Variants in SORCS2 observed in about 807,000 individuals in gnomAD.
The protein encoded by SORCS2 is VPS10 domain-containing receptor SorCS2.
A neutral mutation model predicts 141.6 loss-of-function variants in SORCS2; 100 were observed. The ratio of observed to expected loss-of-function variants is 0.71; its 90% CI spans 0.60 to 0.83. The LOEUF (loss-of-function observed/expected upper bound fraction) is 0.83, where lower values mean the gene tolerates loss of function less well. Among genes scored for constraint, SORCS2 ranks in the 40% least tolerant of loss-of-function variants. SORCS2 has a pLI of 0.00. For missense variants in SORCS2, 1,646 were observed against 1,560.2 expected (o/e 1.05, Z -0.93); for synonymous variants, 789 against 676.9 (o/e 1.17, Z -2.57).
intron 3 of SORCS2, among the ~76,000 whole-genome samples, chr4:7,557,269 G>T (rs1025582532): frequency 6.6e-6 from 1 of 152,156 alleles, no homozygotes; most frequent in Non-Finnish European, 1.5e-5. Flanking sequence ...ACCCAGTTGG[G>T]TGGAGGGACG....
At chr4:7,665,307 G>A (rs1722437981) in intron 7 of SORCS2, among the ~76,000 whole-genome samples, 2 of 152,274 alleles carry the variant, frequency 1.3e-5, no homozygotes, top group South Asian at 4.2e-4. Context: ...GGCAGGCAGT[G>A]GGCATCCCAT....
chr4:7,390,165 A>G (rs564297438), intron 1 of SORCS2, among the ~76,000 whole-genome samples: 1 of 152,072 alleles, frequency 6.6e-6, no homozygotes, highest in Non-Finnish European at 1.5e-5. Context: ...CCCTTTTTCA[A>G]TGGGGTATTG....
At chr4:7,640,587 G>A (rs1046684120) in intron 4 of SORCS2, among the ~76,000 whole-genome samples, 14 of 151,644 alleles carry the variant, frequency 9.2e-5, no homozygotes, top group African/African-American at 3.4e-4. Context: ...TCGGGCCTTC[G>A]TTTAGGGCCC....
chr4:7,381,876 C>A (rs2109071011), intron 1 of SORCS2: 3 of 984,604 alleles, frequency 3.0e-6, no homozygotes, highest in Non-Finnish European at 3.6e-6. Flanking sequence ...TACAGTGGGG[C>A]AGGCCACAGC....
chr4:7,538,560 A>G (rs1202429273), intron 3 of SORCS2, among the ~76,000 whole-genome samples: 4 of 150,994 alleles, frequency 2.6e-5, no homozygotes, highest in African/African-American at 9.8e-5. Context: ...ACTCCATTAT[A>G]TATCAGTGTT....
chr4:7,341,148 G>A (rs1263039674), intron 1 of SORCS2, among the ~76,000 whole-genome samples: 2 of 152,256 alleles, frequency 1.3e-5, no homozygotes, highest in Non-Finnish European at 2.9e-5. Flanking sequence ...GGTCTGGCCC[G>A]AGGTCTGCGT....
intron 12 of SORCS2, among the ~76,000 whole-genome samples, chr4:7,702,138 T>C (rs901819840): frequency 2.7e-4 from 41 of 152,164 alleles, no homozygotes; most frequent in Admixed American, 6.5e-5. Context: ...CGGATGAGCG[T>C]GCTGGCCCTA....
chr4:7,263,342 A>G (rs1287601877), intron 1 of SORCS2, among the ~76,000 whole-genome samples: 1 of 152,064 alleles, frequency 6.6e-6, no homozygotes, highest in East Asian at 1.9e-4. Context: ...GTTTCCCTGA[A>G]CTCACCTGTG....
chr4:7,535,900 C>T (rs6856722), intron 3 of SORCS2, among the ~76,000 whole-genome samples: 54,985 of 152,202 alleles, frequency 0.36, 13,387 homozygotes, highest in African/African-American at 0.7. Flanking sequence ...TGGCATGTCC[C>T]GCCCACACCT....
At chr4:7,198,192 GC>G (rs1727277374) in intron 1 of SORCS2, among the ~76,000 whole-genome samples, 1 of 152,176 alleles carries the variant, frequency 6.6e-6, no homozygotes, top group Admixed American at 6.5e-5. Context: ...GCGTGGCTGG[GC>G]GCACAGGACG....
rs1257097587 is a variant in SORCS2, at chr4:7,734,336, C to T, written c.3273C>T (p.Leu1091=). The change falls in exon 25 of 27, where the codon CTC becomes CTT. Residue 1091 remains leucine, a synonymous_variant. Transcript: ENST00000507866. ...WAVVVLFVIG[L]FAAGAFILYK... is the part of the protein sequence containing the mutation. ...TAGTGGTGCTGTTTGTCATCGGGCT[C>T]TTCGCAGCGGGAGCCTTCATCCTCT... 1 of 1,593,624 alleles carries T rather than the reference C, an allele frequency of 6.3e-7. No homozygotes were observed. The highest frequency in any genetic ancestry group is 8.5e-7 in the Non-Finnish European group (1 of 1,170,594).
intron 3 of SORCS2, among the ~76,000 whole-genome samples, chr4:7,599,784 A>G (rs1262607587): frequency 2.0e-5 from 3 of 148,400 alleles, no homozygotes; most frequent in African/African-American, 7.4e-5. Flanking sequence ...TTTGCCCTAG[A>G]GCTTCATCCT....
Position 7,381,060 on chromosome 4 carries a change from T to C in SORCS2, c.481-15228T>C, listed in dbSNP as rs200107151. 1.4e-3 allele frequency among the ~76,000 whole-genome samples: 185 copies of C among 130,232 alleles called. 1 individual carries two copies. Among genetic ancestry groups the C allele is most frequent in the Middle Eastern group, 4.9e-3 (1 of 204 alleles). The allele number at this position is 130,232 out of a possible 152,430, so 85.4% of individuals were successfully genotyped here. Reference sequence around the variant, plus strand: ...TTGCGCCACTGCACTCCAGCCTGGGTGATAGAGCAAGACTCTGTCTCCAAA... The same window carrying C: ...TTGCGCCACTGCACTCCAGCCTGGGCGATAGAGCAAGACTCTGTCTCCAAA... On this transcript the variant is annotated intron_variant, in intron 1 of 26. Transcript: ENST00000507866.
intron 3 of SORCS2, among the ~76,000 whole-genome samples, chr4:7,628,001 C>A (rs1318555575): frequency 6.6e-6 from 1 of 152,218 alleles, no homozygotes; most frequent in African/African-American, 2.4e-5. Context: ...GAGACCCTGG[C>A]ACAGCCCCGG....
rs577370617 is a variant in SORCS2 at position 7,669,380 on chromosome 4, G to A, written c.1161+2167G>A. 8.4e-4 allele frequency among the ~76,000 whole-genome samples: 128 copies of A among 152,284 alleles called. 1 individual carries two copies. Among genetic ancestry groups the A allele is most frequent in the African/African-American group, 2.9e-3 (122 of 41,564 alleles). Reference sequence around the variant, plus strand: ...TTCCTCATCAAGAAGTGGGCAAGCTGGGCTGCTGTCAGGAGAATGGGGCCC... The same window carrying A: ...TTCCTCATCAAGAAGTGGGCAAGCTAGGCTGCTGTCAGGAGAATGGGGCCC... On this transcript the variant is annotated intron_variant, in intron 8 of 26. Transcript: ENST00000507866.
chr4:7,260,384 T>TC (rs1182818072), intron 1 of SORCS2, among the ~76,000 whole-genome samples: 2 of 151,316 alleles, frequency 1.3e-5, no homozygotes, highest in African/African-American at 4.9e-5. Flanking sequence ...TCCTCCCACC[T>TC]CCCCCCTCCC....
At chr4:7,456,087 C>G (rs753650162) in intron 2 of SORCS2, among the ~76,000 whole-genome samples, 17 of 152,174 alleles carry the variant, frequency 1.1e-4, no homozygotes, top group African/African-American at 3.9e-4. Flanking sequence ...TGTGTCCTCA[C>G]GTGGTCGTCC....
chr4:7,409,559 A>G (rs2109148948), intron 2 of SORCS2, among the ~76,000 whole-genome samples: 2 of 152,228 alleles, frequency 1.3e-5, no homozygotes, highest in Non-Finnish European at 2.9e-5. Context: ...TTTTCTATGG[A>G]TCATGGCAGG....
chr4:7,237,343 T>C (rs1049694831), intron 1 of SORCS2, among the ~76,000 whole-genome samples: 5 of 152,194 alleles, frequency 3.3e-5, no homozygotes, highest in African/African-American at 9.6e-5. Context: ...GGTGGCCTTC[T>C]GGTCTGTGTC....
Sources: allele counts gnomAD v4.1 joint callset (sites outside exome capture counted in the v4.1 genomes callset), GRCh38; gene constraint gnomAD v4.1.1; transcripts MANE v1.5; gene names NCBI Gene and HGNC (gene_info 2026-07-23, HGNC 2026-07-21).